CAMK1D: variants seen among roughly 807,000 people sequenced by gnomAD.
CAMK1D encodes the protein calcium/calmodulin-dependent protein kinase type 1D.
In CAMK1D, 9 loss-of-function variants were observed where a neutral mutation model predicts 47.7. The ratio of observed to expected loss-of-function variants is 0.19; its 90% CI spans 0.11 to 0.33. The LOEUF is 0.33. CAMK1D is among the 10% of genes least tolerant of loss of function. The pLI, the probability that CAMK1D is intolerant of heterozygous loss-of-function variation, is 1.00. For synonymous variants in CAMK1D, 184 were observed against 184.9 expected (o/e 0.99, Z 0.04); for missense variants, 291 against 488.7 (o/e 0.60, Z 3.81).
chr10:12,522,776 G>C (rs1271656136), intron 1 of CAMK1D, among the ~76,000 whole-genome samples: 3 of 149,522 alleles, frequency 2.0e-5, no homozygotes, highest in African/African-American at 7.4e-5. Flanking sequence ...AGGGGCGGCC[G>C]GGCAGAGGCG....
chr10:12,773,894 T>C (rs2493774), intron 5 of CAMK1D, among the ~76,000 whole-genome samples: 33,302 of 151,932 alleles, frequency 0.22, 4,004 homozygotes, highest in African/African-American at 0.32. Flanking sequence ...GTGAGACTCA[T>C]CTCAAAAACA....
At chr10:12,700,833 A>C (rs866306583) in intron 3 of CAMK1D, among the ~76,000 whole-genome samples, 3 of 152,210 alleles carry the variant, frequency 2.0e-5, no homozygotes, top group Admixed American at 6.5e-5. Flanking sequence ...TTGATTTCTA[A>C]GTTTCAAAGA....
chr10:12,728,635 T>C (rs1251701335), intron 3 of CAMK1D, among the ~76,000 whole-genome samples: 1 of 152,218 alleles, frequency 6.6e-6, no homozygotes, highest in Non-Finnish European at 1.5e-5. Flanking sequence ...AAGGGGATAA[T>C]GGCTTTGCGC....
chr10:12,681,684 G>A (rs34008525), intron 3 of CAMK1D, among the ~76,000 whole-genome samples: 5 of 152,178 alleles, frequency 3.3e-5, no homozygotes, highest in Non-Finnish European at 7.3e-5. Context: ...AAGTACACTG[G>A]AAGTCAGTTT....
intron 1 of CAMK1D, among the ~76,000 whole-genome samples, chr10:12,530,698 C>T (rs749167698): frequency 6.6e-6 from 1 of 152,130 alleles, no homozygotes; most frequent in Non-Finnish European, 1.5e-5. Context: ...ACTAGTTTTG[C>T]AGATTACTTT....
chr10:12,688,557 G>T (rs186899767), intron 3 of CAMK1D, among the ~76,000 whole-genome samples: 61 of 152,202 alleles, frequency 4.0e-4, no homozygotes, highest in Admixed American at 3.5e-3. Context: ...TGAACCCTAA[G>T]ATCCACAAAG....
chr10:12,401,093 TATTA>T lies in CAMK1D; in HGVS notation c.92+51184_92+51187del, dbSNP rs1413620025. Among the ~76,000 whole-genome samples, 273 of 84,444 alleles carry T rather than the reference TATTA, an allele frequency of 3.2e-3. 9 individuals are homozygous for T. Among genetic ancestry groups the T allele is most frequent in the African/African-American group, 0.012 (220 of 18,952 alleles). The allele number at this position is 84,444 out of a possible 152,430, so 55.4% of individuals were successfully genotyped here. ...ATATATATAATATATGTATTATATA[TATTA>T]TATATATATTTTATATATATAATAT... On this transcript the variant is annotated intron_variant, in intron 1 of 10. Transcript: ENST00000619168.
At chr10:12,537,549 G>A (rs76636663) in intron 1 of CAMK1D, among the ~76,000 whole-genome samples, 5,997 of 152,220 alleles carry the variant, frequency 0.039, 202 homozygotes, top group Admixed American at 0.1. Flanking sequence ...GCATTTTTGC[G>A]ACTGCTAGTG....
intron 2 of CAMK1D, among the ~76,000 whole-genome samples, chr10:12,606,068 A>C (rs1433751972): frequency 6.6e-6 from 1 of 152,258 alleles, no homozygotes; most frequent in Non-Finnish European, 1.5e-5. Context: ...CAAAACTGCA[A>C]GCCCCTTCCT....
intron 1 of CAMK1D, among the ~76,000 whole-genome samples, chr10:12,455,689 A>G (rs551212080): frequency 2.6e-5 from 4 of 152,306 alleles, no homozygotes; most frequent in East Asian, 1.9e-4. Flanking sequence ...GTTTGGGACA[A>G]TATGAAGCAA....
At chr10:12,459,036 G>A (rs1018627376) in intron 1 of CAMK1D, among the ~76,000 whole-genome samples, 4 of 151,834 alleles carry the variant, frequency 2.6e-5, no homozygotes, top group African/African-American at 4.8e-5. Context: ...GCGCCACCAC[G>A]TGTGGCTGAT....
chr10:12,578,600 A>T (rs964222282), intron 2 of CAMK1D, among the ~76,000 whole-genome samples: 1 of 147,396 alleles, frequency 6.8e-6, no homozygotes, highest in East Asian at 2.0e-4. Flanking sequence ...TGTAGAGATG[A>T]GATGTAGTCT....
At chr10:12,388,304 C>T (rs898743304) in intron 1 of CAMK1D, among the ~76,000 whole-genome samples, 4 of 152,166 alleles carry the variant, frequency 2.6e-5, no homozygotes, top group African/African-American at 7.2e-5. Context: ...TGAGATTACA[C>T]GTGTGAGCCA....
At chr10:12,801,354 T>TATCTATCTTATCTGTCTATC (rs57429397) in intron 6 of CAMK1D, among the ~76,000 whole-genome samples, 1 of 66,490 alleles carries the variant, frequency 1.5e-5, no homozygotes, top group Non-Finnish European at 3.1e-5. Context: ...TCTATCTATC[T>TATCTATCTTATCTGTCTATC]TATCTATCTA....
chr10:12,631,225 T>G (rs1001478922), intron 2 of CAMK1D, among the ~76,000 whole-genome samples: 2 of 152,212 alleles, frequency 1.3e-5, no homozygotes, highest in Non-Finnish European at 2.9e-5. Context: ...GTGACTTTTG[T>G]GAGAAATGGG....
At position 12,757,389 on chromosome 10, in the gene CAMK1D, A is replaced by G. The variant is rs905436702; in HGVS notation, c.300-3559A>G. Among the ~76,000 whole-genome samples, 10 of 152,092 alleles carry G rather than the reference A, an allele frequency of 6.6e-5. 1 individual carries two copies. Among genetic ancestry groups the G allele is most frequent in the African/African-American group, 2.4e-4 (10 of 41,390 alleles). On this transcript the variant is annotated intron_variant, in intron 3 of 10. Coordinates refer to ENST00000619168, the MANE Select transcript of CAMK1D (RefSeq NM_153498.4). Reference sequence around the variant, plus strand: ...ATGCTTTGCATGTTTTAATTGGGGAACTTCATTTCTGATGTGGAGCTTTCA... The same window carrying G: ...ATGCTTTGCATGTTTTAATTGGGGAGCTTCATTTCTGATGTGGAGCTTTCA...
intron 1 of CAMK1D, among the ~76,000 whole-genome samples, chr10:12,424,497 C>T (rs550864735): frequency 8.5e-5 from 13 of 152,312 alleles, no homozygotes; most frequent in African/African-American, 3.1e-4. Flanking sequence ...TGCATACTCA[C>T]CCCTGAGCCC....
At chr10:12,822,709 A>G (rs542412159) in intron 8 of CAMK1D, among the ~76,000 whole-genome samples, 3 of 152,316 alleles carry the variant, frequency 2.0e-5, no homozygotes, top group Non-Finnish European at 4.4e-5. Flanking sequence ...TCCTTTTCTG[A>G]GGATGTAGCT....
At chr10:12,437,551 G>A (rs1043822533) in intron 1 of CAMK1D, among the ~76,000 whole-genome samples, 4 of 152,190 alleles carry the variant, frequency 2.6e-5, no homozygotes, top group South Asian at 2.1e-4. Context: ...TGGAAGATAC[G>A]GAGATTTCCT....
Sources: gnomAD v4.1 joint callset for allele counts (sites outside exome capture counted in the v4.1 genomes callset) on GRCh38, gnomAD v4.1.1 for gene constraint, MANE v1.5 for transcripts, NCBI Gene and HGNC (gene_info 2026-07-23, HGNC 2026-07-21) for gene names.